DYNC1I1: variants seen among roughly 807,000 people sequenced by gnomAD.
The protein encoded by DYNC1I1 is dynein cytoplasmic 1 intermediate chain 1, also known as cytoplasmic dynein 1 intermediate chain 1.
DYNC1I1 carries 43 observed loss-of-function variants against 86.6 expected under a neutral mutation model. That is an observed-to-expected ratio of 0.50 (90% confidence interval 0.39 to 0.64). The LOEUF (loss-of-function observed/expected upper bound fraction) is 0.64. DYNC1I1 is among the 30% of genes least tolerant of loss of function. DYNC1I1 has a pLI of 0.00. For synonymous variants in DYNC1I1, 262 were observed against 283.7 expected (o/e 0.92, Z 0.77); for missense variants, 604 against 788.8 (o/e 0.77, Z 2.81).
At chr7:95,796,688 T>G (rs545665999) in intron 1 of DYNC1I1, among the ~76,000 whole-genome samples, 5 of 152,162 alleles carry the variant, frequency 3.3e-5, no homozygotes, top group African/African-American at 1.2e-4. Flanking sequence ...TTTAGATTAT[T>G]TATATAAACA....
chr7:96,010,412 T>C (rs969128691), intron 10 of DYNC1I1, among the ~76,000 whole-genome samples: 6 of 152,126 alleles, frequency 3.9e-5, no homozygotes, highest in Non-Finnish European at 5.9e-5. Context: ...CTGCAAATGT[T>C]TGGGGATGGC....
At chr7:95,878,352 A>C (rs1177730477) in intron 6 of DYNC1I1, among the ~76,000 whole-genome samples, 1 of 152,176 alleles carries the variant, frequency 6.6e-6, no homozygotes, top group Non-Finnish European at 1.5e-5. Flanking sequence ...ATTTCACCAA[A>C]TAGAGAATGT....
chr7:95,945,303 A>G (rs1170199204), intron 6 of DYNC1I1, among the ~76,000 whole-genome samples: 1 of 152,078 alleles, frequency 6.6e-6, no homozygotes, highest in African/African-American at 2.4e-5. Context: ...AAAGAGTTCT[A>G]TTTTATTGTA....
At chr7:95,788,894 A>G (rs1278660591) in intron 1 of DYNC1I1, among the ~76,000 whole-genome samples, 2 of 152,188 alleles carry the variant, frequency 1.3e-5, no homozygotes, top group Non-Finnish European at 2.9e-5. Flanking sequence ...CATACTTTGG[A>G]TATTTTGTGA....
chr7:95,999,262 A>G (rs1252092805), intron 10 of DYNC1I1, among the ~76,000 whole-genome samples: 2 of 152,156 alleles, frequency 1.3e-5, no homozygotes, highest in Non-Finnish European at 2.9e-5. Context: ...AGAAATATAT[A>G]CCTTAGAATT....
intron 6 of DYNC1I1, among the ~76,000 whole-genome samples, chr7:95,921,056 A>G (rs1791597674): frequency 6.6e-6 from 1 of 152,106 alleles, no homozygotes; most frequent in Non-Finnish European, 1.5e-5. Context: ...TTCTGTGCAC[A>G]TTGCTATTAA....
intron 6 of DYNC1I1, among the ~76,000 whole-genome samples, chr7:95,928,385 C>A (rs1791801135): frequency 6.6e-6 from 1 of 152,158 alleles, no homozygotes; most frequent in Non-Finnish European, 1.5e-5. Flanking sequence ...TTCCAGAGTG[C>A]TGTAAGTTTT....
intron 6 of DYNC1I1, among the ~76,000 whole-genome samples, chr7:95,940,939 T>C (rs1031398375): frequency 3.3e-5 from 5 of 152,184 alleles, no homozygotes; most frequent in Non-Finnish European, 7.3e-5. Context: ...TTATCTACTT[T>C]TGGTCTTTGA....
chr7:95,938,068 C>T (rs2116433264), intron 6 of DYNC1I1, among the ~76,000 whole-genome samples: 1 of 152,216 alleles, frequency 6.6e-6, no homozygotes, highest in South Asian at 2.1e-4. Context: ...CTTAAGCGTG[C>T]AAAACTTGGG....
chr7:95,896,314 G>A (rs541342187), intron 6 of DYNC1I1, among the ~76,000 whole-genome samples: 3 of 152,264 alleles, frequency 2.0e-5, no homozygotes, highest in East Asian at 1.9e-4. Flanking sequence ...GCTTGAGAGC[G>A]TCCTAAACAT....
chr7:95,918,607 G>C (rs1185372100), intron 6 of DYNC1I1, among the ~76,000 whole-genome samples: 2 of 152,134 alleles, frequency 1.3e-5, no homozygotes, highest in Non-Finnish European at 2.9e-5. Context: ...CTTTTTTTGT[G>C]ATGGTTTGTT....
At chr7:95,992,744 C>T (rs1167633844) in intron 9 of DYNC1I1, among the ~76,000 whole-genome samples, 2 of 151,998 alleles carry the variant, frequency 1.3e-5, no homozygotes, top group Non-Finnish European at 2.9e-5. Context: ...CTCAGCCTCC[C>T]GAGTAGCTGG....
chr7:96,076,522 CTT>C (rs1316474747), intron 15 of DYNC1I1, among the ~76,000 whole-genome samples: 1 of 152,072 alleles, frequency 6.6e-6, no homozygotes, highest in Non-Finnish European at 1.5e-5. Flanking sequence ...GTTGAAATAA[CTT>C]TATAGGCAAA....
intron 6 of DYNC1I1, among the ~76,000 whole-genome samples, chr7:95,939,005 C>T (rs1792125728): frequency 1.3e-5 from 2 of 152,052 alleles, no homozygotes; most frequent in South Asian, 4.2e-4. Context: ...TGTCTTTGTT[C>T]TCATTGGTTT....
At chr7:95,966,790 CA>C (rs1488898307) in intron 6 of DYNC1I1, among the ~76,000 whole-genome samples, 1 of 152,186 alleles carries the variant, frequency 6.6e-6, no homozygotes, top group African/African-American at 2.4e-5. Context: ...CATCTTACCA[CA>C]CAATATGTGG....
chr7:96,027,406 T>C (rs1422383289), intron 10 of DYNC1I1, among the ~76,000 whole-genome samples: 4 of 152,242 alleles, frequency 2.6e-5, no homozygotes, highest in African/African-American at 7.2e-5. Context: ...TGGTTCTATC[T>C]CAGCTAAGTA....
At chr7:96,060,651 G>A (rs1343103066) in intron 14 of DYNC1I1, among the ~76,000 whole-genome samples, 3 of 152,186 alleles carry the variant, frequency 2.0e-5, no homozygotes, top group African/African-American at 7.2e-5. Flanking sequence ...TGATGTGTCA[G>A]TGTGGATCCA....
chr7:96,090,235 TTTGTTG>T (rs781614273), intron 16 of DYNC1I1, among the ~76,000 whole-genome samples: 1 of 151,870 alleles, frequency 6.6e-6, no homozygotes, highest in Admixed American at 6.6e-5. Flanking sequence ...TCTTCGGATA[TTTGTTG>T]TTGTTGTTGT....
At chr7:95,923,070 T>A (rs1786761505) in intron 6 of DYNC1I1, among the ~76,000 whole-genome samples, 1 of 152,152 alleles carries the variant, frequency 6.6e-6, no homozygotes, top group Non-Finnish European at 1.5e-5. Flanking sequence ...CCTTCTGTTT[T>A]CATATCTTTT....
Sources: allele counts gnomAD v4.1 joint callset (sites outside exome capture counted in the v4.1 genomes callset), GRCh38; gene constraint gnomAD v4.1.1; transcripts MANE v1.5; gene names NCBI Gene and HGNC (gene_info 2026-07-23, HGNC 2026-07-21).